SVOPL: variants seen among roughly 807,000 people sequenced by gnomAD.
SVOPL encodes SVOP like, also known as putative transporter SVOPL.
Under a neutral mutation model 61.0 loss-of-function variants are expected in SVOPL, and 60 were observed. The observed-to-expected ratio is 0.98, with a 90% CI of 0.80 to 1.22. The LOEUF (loss-of-function observed/expected upper bound fraction) is 1.22, where lower values mean the gene tolerates loss of function less well. Among genes scored for constraint, SVOPL ranks in the 50% most tolerant of loss-of-function variants. The pLI is 0.00. For synonymous variants in SVOPL, 279 were observed against 250.0 expected, an observed-to-expected ratio of 1.12 and a Z score of -1.09; for missense variants, 662 against 643.9, an observed-to-expected ratio of 1.03 and a Z score of -0.30.
intron 14 of SVOPL, among the ~76,000 whole-genome samples, chr7:138,613,023 T>A (rs928010845): frequency 6.6e-6 from 1 of 151,874 alleles, no homozygotes; most frequent in African/African-American, 2.4e-5. Flanking sequence ...CTTTTTATTA[T>A]CTTTTTATTT....
intron 14 of SVOPL, among the ~76,000 whole-genome samples, chr7:138,606,142 G>A (rs183522738): frequency 2.0e-5 from 3 of 152,238 alleles, no homozygotes; most frequent in South Asian, 2.1e-4. Context: ...TCCTCATGGC[G>A]AGTAAAGTCT....
chr7:138,699,913 G>T (rs1461566158), intron 1 of SVOPL, among the ~76,000 whole-genome samples: 1 of 152,148 alleles, frequency 6.6e-6, no homozygotes, highest in South Asian at 2.1e-4. Flanking sequence ...TTGCCAAGAG[G>T]GGGAAGAAAC....
At chr7:138,664,643 C>G (rs1802174034) in intron 4 of SVOPL, among the ~76,000 whole-genome samples, 1 of 131,948 alleles carries the variant, frequency 7.6e-6, no homozygotes, top group African/African-American at 2.9e-5. Context: ...CCAGCACCCC[C>G]GATCCTCCAT....
At chr7:138,621,960 A>G (rs1799612404) in intron 13 of SVOPL, among the ~76,000 whole-genome samples, 1 of 138,316 alleles carries the variant, frequency 7.2e-6, no homozygotes, top group African/African-American at 3.0e-5. Flanking sequence ...CTATCTATCT[A>G]TGTATCTATC....
chr7:138,637,507 T>TATAGATAGATAG, intron 9 of SVOPL, among the ~76,000 whole-genome samples: 1 of 25,684 alleles, frequency 3.9e-5, no homozygotes, highest in African/African-American at 7.5e-5. Flanking sequence ...TATATATATA[T>TATAGATAGATAG]ATAGATAGAT....
intron 1 of SVOPL, among the ~76,000 whole-genome samples, chr7:138,696,321 C>G (rs1383656575): frequency 2.0e-5 from 3 of 152,074 alleles, no homozygotes; most frequent in Non-Finnish European, 4.4e-5. Context: ...ACCTCCTCCT[C>G]CTGGGCTCAA....
intron 14 of SVOPL, among the ~76,000 whole-genome samples, chr7:138,612,436 T>TAAAAAAAAAAAAA (rs60800575): frequency 1.7e-4 from 3 of 17,856 alleles, no homozygotes; most frequent in Non-Finnish European, 2.3e-4. Context: ...AAATAAAAAA[T>TAAAAAAAAAAAAA]AAAAAAAAAA....
chr7:138,664,700 CACCCCTGATCCTCCATGGGTGTGCCGCTG>C, intron 4 of SVOPL, among the ~76,000 whole-genome samples: 1 of 151,466 alleles, frequency 6.6e-6, no homozygotes, highest in Admixed American at 6.6e-5. Context: ...CCATCGGGCG[CACCCCTGATCCTCCATGGGTGTGCCGCTG>C]ACCCCTGATC....
chr7:138,601,941 T>A (rs1798542779), intron 14 of SVOPL, among the ~76,000 whole-genome samples: 1 of 152,224 alleles, frequency 6.6e-6, no homozygotes, highest in African/African-American at 2.4e-5. Flanking sequence ...TGACTGTTCA[T>A]CCCTTGTCCG....
intron 14 of SVOPL, chr7:138,597,049 T>G (rs1326590638): frequency 8.6e-7 from 1 of 1,158,264 alleles, no homozygotes. Context: ...ACACCAAAAC[T>G]CTTTGGTGTC....
chr7:138,654,985 G>C (rs751094476), intron 7 of SVOPL, among the ~76,000 whole-genome samples: 14 of 151,406 alleles, frequency 9.2e-5, no homozygotes, highest in Non-Finnish European at 1.9e-4. Context: ...GAGCTTAGGA[G>C]TTCGAGACCA....
chr7:138,612,388 T>A, intron 14 of SVOPL, among the ~76,000 whole-genome samples: 1 of 3,616 alleles, frequency 2.8e-4, no homozygotes, highest in African/African-American at 5.0e-4. Flanking sequence ...CCAAGAATTA[T>A]CAATAAAAAA....
At chr7:138,614,441 G>C (rs189342780) in intron 14 of SVOPL, among the ~76,000 whole-genome samples, 143 of 150,412 alleles carry the variant, frequency 9.5e-4, no homozygotes, top group African/African-American at 3.3e-3. Flanking sequence ...TGTTGCCCAG[G>C]CTGGAGTGCA....
intron 14 of SVOPL, among the ~76,000 whole-genome samples, chr7:138,606,561 C>G (rs993692517): frequency 3.5e-4 from 53 of 152,106 alleles, no homozygotes; most frequent in African/African-American, 1.3e-3. Context: ...TCCCAAGGAG[C>G]CCGCTCATTA....
chr7:138,642,236 A>T, intron 9 of SVOPL, among the ~76,000 whole-genome samples: 1 of 151,028 alleles, frequency 6.6e-6, no homozygotes, highest in Admixed American at 6.6e-5. Flanking sequence ...TAAGTATTGA[A>T]CTCAACAAGC....
chr7:138,611,919 G>T (rs1219990333), intron 14 of SVOPL, among the ~76,000 whole-genome samples: 1 of 17,286 alleles, frequency 5.8e-5, no homozygotes, highest in Non-Finnish European at 1.2e-4. Context: ...TTGAGAACGG[G>T]CCAGGATGAC....
chr7:138,648,602 G>A (rs908524431), intron 8 of SVOPL, among the ~76,000 whole-genome samples: 2 of 151,714 alleles, frequency 1.3e-5, no homozygotes, highest in Non-Finnish European at 2.9e-5. Context: ...CAGCTACTCA[G>A]GAGTCTGAGG....
intron 7 of SVOPL, among the ~76,000 whole-genome samples, chr7:138,651,774 G>A (rs759856374): frequency 1.3e-5 from 2 of 152,086 alleles, no homozygotes; most frequent in African/African-American, 2.4e-5. Context: ...TCCACTTACT[G>A]GCTATTCTTT....
chr7:138,627,543 G>T, intron 11 of SVOPL, 82 bp from the exon 12 acceptor site: 2 of 1,055,296 alleles, frequency 1.9e-6, no homozygotes, highest in Non-Finnish European at 2.8e-6. Flanking sequence ...ATTCATCCTT[G>T]TCGTTTCAGA....
Sources: gnomAD v4.1 joint callset for allele counts (sites outside exome capture counted in the v4.1 genomes callset) on GRCh38, gnomAD v4.1.1 for gene constraint, MANE v1.5 for transcripts, NCBI Gene and HGNC (gene_info 2026-07-23, HGNC 2026-07-21) for gene names.